Variants in RGS7 observed in about 807,000 individuals in gnomAD.
RGS7 encodes regulator of G-protein signaling 7.
In RGS7, 27 loss-of-function variants were observed where a neutral mutation model predicts 81.1. That is an observed-to-expected ratio of 0.33 (90% confidence interval 0.25 to 0.46). RGS7 has a LOEUF of 0.46. Ranked by LOEUF, RGS7 falls within the 20% of genes least tolerant of loss-of-function variation. The pLI is 1.00. For missense variants in RGS7, 396 were observed against 607.4 expected (o/e 0.65, Z 3.66); for synonymous variants, 208 against 207.7 (o/e 1.00, Z -0.01).
chr1:240,974,353 A>G (rs1485645389), intron 4 of RGS7, among the ~76,000 whole-genome samples: 1 of 152,208 alleles, frequency 6.6e-6, no homozygotes, highest in Non-Finnish European at 1.5e-5. Flanking sequence ...GATAAAAAAC[A>G]ATTCATTTAA....
chr1:241,082,536 T>C (rs2063193605), intron 3 of RGS7, among the ~76,000 whole-genome samples: 1 of 152,162 alleles, frequency 6.6e-6, no homozygotes, highest in African/African-American at 2.4e-5. Flanking sequence ...ACAAATCATT[T>C]CTCTAATTAC....
intron 10 of RGS7, among the ~76,000 whole-genome samples, chr1:240,825,077 G>A (rs555307007): frequency 5.9e-5 from 9 of 152,066 alleles, no homozygotes; most frequent in African/African-American, 1.4e-4. Context: ...AGGCGGCCCC[G>A]GCAGACTACA....
rs550019436 is a variant in RGS7 at position 241,164,235 on chromosome 1, A to G, written c.79-65473T>C. 2.8e-4 allele frequency among the ~76,000 whole-genome samples: 42 copies of G among 150,732 alleles called. No homozygotes were observed. Among genetic ancestry groups the G allele is most frequent in the African/African-American group, 9.5e-4 (39 of 41,024 alleles). ...GGCTCCACCCTCCAGGAACTGCCACATGTTCAGCTATCCAGAAGCTCTCAG... is the reference window on the plus strand; with the variant it reads ...GGCTCCACCCTCCAGGAACTGCCACGTGTTCAGCTATCCAGAAGCTCTCAG... On this transcript the variant is annotated intron_variant, in intron 2 of 18. Transcript: ENST00000440928. This position sits in a 1 kb window ranked among gnomAD's most constrained non-coding sequence, Gnocchi z 4.1.
chr1:241,010,242 G>A (rs1218846790), intron 3 of RGS7, among the ~76,000 whole-genome samples: 2 of 152,182 alleles, frequency 1.3e-5, no homozygotes, highest in South Asian at 4.1e-4. Flanking sequence ...GAAGGAAATG[G>A]CTCTGAAGTG....
intron 3 of RGS7, among the ~76,000 whole-genome samples, chr1:240,985,557 A>T (rs1685526518): frequency 6.6e-6 from 1 of 152,152 alleles, no homozygotes; most frequent in South Asian, 2.1e-4. Flanking sequence ...TCACAAGTGT[A>T]TTCTCAGTTC....
intron 2 of RGS7, among the ~76,000 whole-genome samples, chr1:241,314,455 A>G (rs1392274619): frequency 6.6e-6 from 1 of 152,220 alleles, no homozygotes; most frequent in African/African-American, 2.4e-5. Flanking sequence ...TTTTTTAGCC[A>G]TAATGTTCTT....
chr1:240,837,183 G>A (rs1221410990), intron 9 of RGS7, among the ~76,000 whole-genome samples: 1 of 152,220 alleles, frequency 6.6e-6, no homozygotes. Context: ...AAGCTAAGTT[G>A]TCATAATTAT....
At chr1:241,005,684 A>C (rs2058653006) in intron 3 of RGS7, among the ~76,000 whole-genome samples, 1 of 151,904 alleles carries the variant, frequency 6.6e-6, no homozygotes, top group South Asian at 2.1e-4. Context: ...ACAGGCATCC[A>C]TCACCACACC....
intron 2 of RGS7, among the ~76,000 whole-genome samples, chr1:241,228,230 T>C (rs12140345): frequency 0.092 from 14,062 of 152,212 alleles, 815 homozygotes; most frequent in East Asian, 0.2. Flanking sequence ...CCGGCCACAA[T>C]GCCAAAACAC....
chr1:241,247,457 A>G (rs185916353), intron 2 of RGS7, among the ~76,000 whole-genome samples: 33 of 152,268 alleles, frequency 2.2e-4, no homozygotes, highest in Non-Finnish European at 4.6e-4. Flanking sequence ...CAAGGTGGAG[A>G]CGAGAGACTG....
chr1:241,021,930 C>T (rs1226303300), intron 3 of RGS7, among the ~76,000 whole-genome samples: 1 of 152,024 alleles, frequency 6.6e-6, no homozygotes, highest in Non-Finnish European at 1.5e-5. Context: ...GAACACCTGG[C>T]CCATCTAAAG....
intron 3 of RGS7, among the ~76,000 whole-genome samples, chr1:241,063,604 T>C (rs1246632229): frequency 6.6e-6 from 1 of 152,194 alleles, no homozygotes; most frequent in Non-Finnish European, 1.5e-5. Flanking sequence ...AATTTCCTGC[T>C]TTCACCGGCT....
chr1:240,900,961 C>T (rs1469871965), intron 6 of RGS7, among the ~76,000 whole-genome samples: 3 of 149,200 alleles, frequency 2.0e-5, no homozygotes, highest in Non-Finnish European at 3.0e-5. Context: ...GCTTCCTGGC[C>T]GATTTGTTTA....
chr1:241,003,460 C>CAAAA (rs554768415), intron 3 of RGS7, among the ~76,000 whole-genome samples: 2 of 83,358 alleles, frequency 2.4e-5, no homozygotes, highest in African/African-American at 5.1e-5. Context: ...GACTCCGTCT[C>CAAAA]AAAAAAAAAA....
In RGS7 at chr1:240,832,674, G is replaced by A. The variant is rs141251549; in HGVS notation, c.610-5502C>T. Among the ~76,000 whole-genome samples, 650 of 152,288 alleles carry A rather than the reference G, an allele frequency of 4.3e-3. 6 individuals are homozygous for A. Among genetic ancestry groups the A allele is most frequent in the African/African-American group, 0.015 (637 of 41,562 alleles). ...CTCGGCAAAGCCTGTGGTGAAGAGC[G>A]ACAGTGAGAGAGAGGAATACAGAAC... On this transcript the variant is annotated intron_variant, in intron 9 of 18. Coordinates refer to ENST00000440928, the MANE Select transcript of RGS7 (RefSeq NM_001364886.1).
In RGS7 at chr1:240,793,259, G is replaced by A. The variant is rs1572106000; in HGVS notation, c.*6+7382C>T. Among the ~76,000 whole-genome samples the A allele has an allele frequency of 9.2e-5, 14 of 152,212 alleles. No homozygotes were observed. The South Asian group carries it at 2.9e-3, about 32-fold the overall frequency. On this transcript the variant is annotated intron_variant, in intron 18 of 18. Coordinates refer to ENST00000440928, the MANE Select transcript of RGS7 (RefSeq NM_001364886.1). ...AACTTAAGAACTAACGATGCTGCCA[G>A]GGGAAAATGAAGATATATTGTCTGA... is the stretch of plus-strand genomic sequence containing the variant.
intron 18 of RGS7, among the ~76,000 whole-genome samples, chr1:240,793,570 C>T (rs1443431689): frequency 1.4e-5 from 2 of 138,290 alleles, no homozygotes; most frequent in Non-Finnish European, 3.0e-5. Flanking sequence ...ATTATTTTCA[C>T]TGAAGGTGTA....
chr1:241,071,874 CAAAAA>C (rs58217460), intron 3 of RGS7, among the ~76,000 whole-genome samples: 17,715 of 56,834 alleles, frequency 0.31, 1,373 homozygotes, highest in Middle Eastern at 0.41. Context: ...GAGACCCTGT[CAAAAA>C]AAAAAAAAAA....
chr1:241,108,028 C>T (rs1002496648), intron 2 of RGS7, among the ~76,000 whole-genome samples: 1 of 152,120 alleles, frequency 6.6e-6, no homozygotes, highest in Admixed American at 6.5e-5. Context: ...GGTGCGGTGG[C>T]TCACACCTGT....
Sources: allele counts gnomAD v4.1 joint callset (sites outside exome capture counted in the v4.1 genomes callset), GRCh38; gene constraint gnomAD v4.1.1; non-coding constraint Gnocchi (gnomAD v3.1); transcripts MANE v1.5; gene names NCBI Gene and HGNC (gene_info 2026-07-23, HGNC 2026-07-21).